The following NTNG2 variants were observed in gnomAD, a reference collection of about 807,000 sequenced individuals.
NTNG2 encodes the protein netrin G2.
A neutral mutation model predicts 47.6 loss-of-function variants in NTNG2; 15 were observed. That is an observed-to-expected ratio of 0.32 (90% CI 0.21 to 0.49). The LOEUF (loss-of-function observed/expected upper bound fraction) is 0.49, where lower values mean the gene tolerates loss of function less well. Among genes scored for constraint, NTNG2 ranks in the 20% least tolerant of loss-of-function variants. The pLI is 0.99. For synonymous variants in NTNG2, 307 were observed against 324.6 expected, an observed-to-expected ratio of 0.95 and a Z score of 0.58; for missense variants, 578 against 764.6, an observed-to-expected ratio of 0.76 and a Z score of 2.88.
chr9:132,241,827 GC>G, intron 7 of NTNG2, 48 bp from the exon 8 acceptor site: 1 of 1,380,434 alleles, frequency 7.2e-7, no homozygotes, highest in Non-Finnish European at 9.7e-7. Context: ...TCGGAGGTTG[GC>G]GGGGGGACCG....
chr9:132,213,693 T>C (rs1339902929), intron 3 of NTNG2, among the ~76,000 whole-genome samples: 2 of 109,424 alleles, frequency 1.8e-5, no homozygotes, highest in East Asian at 2.4e-4. Context: ...TCATGAAAAA[T>C]GTTTTTTCCC....
chr9:132,242,046 C>T lies in NTNG2; in HGVS notation c.1528C>T (p.Pro510Ser). The T allele has an allele frequency of 3.1e-6, 4 of 1,273,242 alleles. No homozygotes were observed. The highest frequency in any genetic ancestry group is 3.9e-6 in the Non-Finnish European group (4 of 1,013,684). The allele number at this position is 1,273,242 out of a possible 1,614,324, so 78.9% of individuals were successfully genotyped here. The change falls in exon 8 of 8, where the codon CCG becomes TCG. Residue 510 changes from proline (P) to serine (S), a missense_variant. Coordinates refer to ENST00000393229, the MANE Select transcript of NTNG2 (RefSeq NM_032536.4). The surrounding 1 kb of genome is among the most constrained non-coding windows in gnomAD (Gnocchi z 5.9). ...CTGCGACCGCGCGCCCGGGGCCGCC[C>T]CGCGCCCCGCCACCCTGCTCGGCTG... is the stretch of plus-strand genomic sequence containing the variant. ...LDCDRAPGAA[P>S]RPATLLGCLL...
chr9:132,174,465 T>G (rs1836254242), intron 2 of NTNG2, among the ~76,000 whole-genome samples: 1 of 152,190 alleles, frequency 6.6e-6, no homozygotes, highest in Admixed American at 6.5e-5. Flanking sequence ...ATCCCGCACT[T>G]CTGGGATGTG....
At chr9:132,176,071 G>C (rs924036260) in intron 2 of NTNG2, among the ~76,000 whole-genome samples, 1 of 152,084 alleles carries the variant, frequency 6.6e-6, no homozygotes, top group South Asian at 2.1e-4. Context: ...ACGTTTTGGT[G>C]GGTGCAGTGG....
intron 3 of NTNG2, among the ~76,000 whole-genome samples, chr9:132,225,591 A>G (rs73563339): frequency 1.8e-3 from 272 of 152,302 alleles, no homozygotes; most frequent in African/African-American, 6.3e-3. Flanking sequence ...CTAAAAGATA[A>G]GGACTTTAAA....
chr9:132,186,134 G>T (rs1032272434), intron 2 of NTNG2, among the ~76,000 whole-genome samples: 5 of 152,216 alleles, frequency 3.3e-5, no homozygotes, highest in Admixed American at 2.6e-4. Flanking sequence ...GAAGGAGGGA[G>T]CAGTGGGGTT....
intron 3 of NTNG2, among the ~76,000 whole-genome samples, chr9:132,217,821 A>G (rs973973714): frequency 6.6e-6 from 1 of 152,336 alleles, no homozygotes; most frequent in Admixed American, 6.5e-5. Flanking sequence ...TCGTTGGCAG[A>G]ACATCCCAGG....
intron 7 of NTNG2, 66 bp from the exon 8 acceptor site, chr9:132,241,810 C>T: frequency 8.0e-7 from 1 of 1,255,298 alleles, no homozygotes; most frequent in East Asian, 3.0e-5. Flanking sequence ...CCCTGCTTCG[C>T]AGGAGCTCGG....
Position 132,227,257 on chromosome 9 carries a change from A to C in NTNG2, c.1030+236A>C, listed in dbSNP as rs116605146. ...AACACACGTGCGTGCATGCACCCCC[A>C]CACACACACCTTGTTCTACAGCTCC... On this transcript the variant is annotated intron_variant, in intron 4 of 7. Transcript: ENST00000393229. 5.0e-3 allele frequency among the ~76,000 whole-genome samples: 757 copies of C among 152,248 alleles called. 9 individuals carry two copies. The highest frequency in any genetic ancestry group is 0.017 in the African/African-American group (715 of 41,536).
chr9:132,167,098 G>A (rs1250864739), intron 2 of NTNG2, 54 bp downstream of exon 2: 1 of 1,583,214 alleles, frequency 6.3e-7, no homozygotes, highest in African/African-American at 1.3e-5. Context: ...AGGAGGTCTG[G>A]AGGAGATCCT....
chr9:132,201,411 G>A (rs1173221961), intron 3 of NTNG2, among the ~76,000 whole-genome samples: 1 of 152,252 alleles, frequency 6.6e-6, no homozygotes, highest in South Asian at 2.1e-4. Flanking sequence ...TTGGCTTGTC[G>A]TTGAACTCGG....
intron 5 of NTNG2, among the ~76,000 whole-genome samples, chr9:132,234,741 G>T (rs1841498378): frequency 6.6e-6 from 1 of 152,270 alleles, no homozygotes; most frequent in Non-Finnish European, 1.5e-5. Flanking sequence ...TTCAGGGCTG[G>T]CTTTCTCATG....
rs34189329 is a variant in NTNG2 at position 132,174,326 on chromosome 9, GGACA to G, written c.213+7292_213+7295del. The stretch of plus-strand genomic sequence containing the variant: ...CTGCGGATGAGACGGACGGACGGAC[GGACA>G]GACAGACAGGTCGAACCATGCTGCA... On this transcript the variant is annotated intron_variant, in intron 2 of 7. Coordinates refer to ENST00000393229, the MANE Select transcript of NTNG2 (RefSeq NM_032536.4). Among the ~76,000 whole-genome samples, 550 of 121,212 alleles carry G rather than the reference GGACA, an allele frequency of 4.5e-3. 19 individuals are homozygous for G. The highest frequency in any genetic ancestry group is 0.035 in the Admixed American group (445 of 12,878). The allele number at this position is 121,212 out of a possible 152,430, so 79.5% of individuals were successfully genotyped here.
At chr9:132,175,174 T>G (rs1836330739) in intron 2 of NTNG2, among the ~76,000 whole-genome samples, 1 of 151,960 alleles carries the variant, frequency 6.6e-6, no homozygotes, top group Non-Finnish European at 1.5e-5. Flanking sequence ...GACAGTCCAC[T>G]CCCCCTGCCC....
chr9:132,173,799 A>AGACG (rs929610370), intron 2 of NTNG2, among the ~76,000 whole-genome samples: 1 of 142,140 alleles, frequency 7.0e-6, no homozygotes, highest in Non-Finnish European at 1.5e-5. Flanking sequence ...ACTGCGGATG[A>AGACG]GACGGACGGA....
intron 2 of NTNG2, among the ~76,000 whole-genome samples, chr9:132,193,720 C>T (rs1013828488): frequency 6.6e-6 from 1 of 152,184 alleles, no homozygotes; most frequent in African/African-American, 2.4e-5. Flanking sequence ...CCTCTTTGCT[C>T]ACCTGGCATG....
At chr9:132,204,951 A>G (rs1323418489) in intron 3 of NTNG2, among the ~76,000 whole-genome samples, 1 of 152,216 alleles carries the variant, frequency 6.6e-6, no homozygotes, top group Non-Finnish European at 1.5e-5. Context: ...GAGGATGGCT[A>G]TTATTGGAAA....
chr9:132,216,414 CTGTGTGTGTGTGTATGTGTG>C (rs367667797), intron 3 of NTNG2, among the ~76,000 whole-genome samples: 1,727 of 110,106 alleles, frequency 0.016, 44 homozygotes, highest in East Asian at 0.064. Context: ...CTCTCTCTCT[CTGTGTGTGTGTGTATGTGTG>C]TGTGTGTGTG....
At chr9:132,179,671 AC>A (rs1836780820) in intron 2 of NTNG2, among the ~76,000 whole-genome samples, 2 of 152,092 alleles carry the variant, frequency 1.3e-5, no homozygotes, top group Non-Finnish European at 2.9e-5. Flanking sequence ...TGTGCAAAGC[AC>A]CCCATGTGTG....
Sources: gnomAD v4.1 joint callset for allele counts (sites outside exome capture counted in the v4.1 genomes callset) on GRCh38, gnomAD v4.1.1 for gene constraint, Gnocchi (gnomAD v3.1) non-coding constraint, MANE v1.5 for transcripts, NCBI Gene and HGNC (gene_info 2026-07-23, HGNC 2026-07-21) for gene names.